UPP2: variants seen among roughly 807,000 people sequenced by gnomAD.
UPP2 encodes the protein UPase 2.
UPP2 carries 23 observed loss-of-function variants against 26.7 expected under a neutral mutation model. The ratio of observed to expected loss-of-function variants is 0.86; its 90% CI spans 0.62 to 1.22. The LOEUF (loss-of-function observed/expected upper bound fraction) is 1.22. UPP2 is among the 50% of genes most tolerant of loss of function. The pLI is 0.00. For missense variants in UPP2, 387 were observed against 396.7 expected, an observed-to-expected ratio of 0.98 and a Z score of 0.21; for synonymous variants, 127 against 141.3, an observed-to-expected ratio of 0.90 and a Z score of 0.72.
In UPP2 at chr2:158,117,669, A is replaced by G. The variant is rs142858616; in HGVS notation, c.340-155A>G. On this transcript the variant is annotated intron_variant, in intron 3 of 6. Transcript: ENST00000005756. ...CTGTCAGCATGTCATGTAGGTGCCA[A>G]TTAGGGAGGACTTACATTTTCCTCA... 4.2e-3 allele frequency among the ~76,000 whole-genome samples: 644 copies of G among 152,102 alleles called. 4 individuals are homozygous for G. Among genetic ancestry groups the G allele is most frequent in the African/African-American group, 0.015 (617 of 41,540 alleles).
Position 158,093,766 on chromosome 2 carries a change from A to G in UPP2, c.148-8274A>G, listed in dbSNP as rs907815405. Among the ~76,000 whole-genome samples, 19 of 152,238 alleles carry G rather than the reference A, an allele frequency of 1.2e-4. 1 individual carries two copies. The highest frequency in any genetic ancestry group is 9.2e-4 in the Admixed American group (14 of 15,296). On this transcript the variant is annotated intron_variant, in intron 3 of 9. Transcript: ENST00000605860. ...TGGGGTTTATTATACACTGTTGACA[A>G]AAGTGTAACTTGGTAAAACTATTAG...
chr2:158,105,114 G>A (rs963661193), intron 1 of UPP2, among the ~76,000 whole-genome samples: 1 of 151,570 alleles, frequency 6.6e-6, no homozygotes. Context: ...TGGCAAAGAC[G>A]TCTTGACCCA....
intron 6 of UPP2, 89 bp downstream of exon 6, chr2:158,123,984 T>C (rs1457512456): frequency 6.9e-7 from 1 of 1,444,868 alleles, no homozygotes; most frequent in Non-Finnish European, 9.4e-7. Flanking sequence ...GGTCCAGCTA[T>C]ATATTACCTT....
At chr2:158,106,932 C>A (rs1306577818) in intron 2 of UPP2, among the ~76,000 whole-genome samples, 2 of 152,154 alleles carry the variant, frequency 1.3e-5, no homozygotes, top group Non-Finnish European at 2.9e-5. Context: ...AATTATATAA[C>A]TGCATTCTGC....
chr2:158,052,634 T>A (rs1016911329), intron 3 of UPP2, among the ~76,000 whole-genome samples: 5 of 152,226 alleles, frequency 3.3e-5, no homozygotes, highest in Admixed American at 1.3e-4. Context: ...TTACTTAACA[T>A]CTTTGGGCGT....
intron 3 of UPP2, among the ~76,000 whole-genome samples, chr2:158,090,376 C>A (rs1299040550): frequency 1.3e-5 from 2 of 152,078 alleles, no homozygotes; most frequent in African/African-American, 2.4e-5. Flanking sequence ...TGGTGGGCAC[C>A]TGTAGTCGCA....
chr2:158,005,080 C>T (rs2105136328), intron 2 of UPP2, among the ~76,000 whole-genome samples: 1 of 152,286 alleles, frequency 6.6e-6, no homozygotes, highest in South Asian at 2.1e-4. Context: ...CTTTACTGCC[C>T]TGTCACAACC....
chr2:158,057,742 TTG>T (rs200964357), intron 3 of UPP2, among the ~76,000 whole-genome samples: 6,422 of 149,938 alleles, frequency 0.043, 243 homozygotes, highest in East Asian at 0.14. Context: ...AGATTCTTTT[TTG>T]TTTTTTAACT....
intron 3 of UPP2, among the ~76,000 whole-genome samples, chr2:158,026,794 G>A (rs1342654485): frequency 6.6e-6 from 1 of 152,166 alleles, no homozygotes; most frequent in Non-Finnish European, 1.5e-5. Context: ...AGAAAAAGAG[G>A]TTTAATTGGA....
At chr2:158,076,294 G>T (rs967067747) in intron 3 of UPP2, among the ~76,000 whole-genome samples, 2 of 151,958 alleles carry the variant, frequency 1.3e-5, no homozygotes, top group African/African-American at 2.4e-5. Context: ...AAATAAAAGA[G>T]TAGAGAATAC....
chr2:158,102,516 G>T (rs1392834556), intron 1 of UPP2, among the ~76,000 whole-genome samples: 1 of 152,086 alleles, frequency 6.6e-6, no homozygotes, highest in Non-Finnish European at 1.5e-5. Context: ...CCTGAGGGAG[G>T]TTTAATTGTA....
intron 3 of UPP2, among the ~76,000 whole-genome samples, chr2:158,081,861 G>C (rs1265315482): frequency 1.3e-5 from 2 of 151,800 alleles, no homozygotes; most frequent in African/African-American, 4.8e-5. Flanking sequence ...TAAAAATATA[G>C]GTAGATAAAA....
rs987709867 is a variant in UPP2, at chr2:158,134,747, G to C, written c.812-1G>C. The C allele has an allele frequency of 1.9e-6, 3 of 1,599,278 alleles. No individual in the cohort carries two copies. Among genetic ancestry groups the C allele is most frequent in the Non-Finnish European group, 2.6e-6 (3 of 1,172,708 alleles). ...ATCAGTTGTGCTAATTGCTCTTCTA[G>C]CTGCTGTGGTCTGTGTGACACTTCT... is the stretch of plus-strand genomic sequence containing the variant. On this transcript the variant is annotated splice_acceptor_variant, in intron 6 of 6. Transcript: ENST00000005756. LOFTEE classifies it high-confidence loss of function.
At chr2:158,117,170 G>C (rs1683450204) in intron 3 of UPP2, among the ~76,000 whole-genome samples, 1 of 151,980 alleles carries the variant, frequency 6.6e-6, no homozygotes, top group Non-Finnish European at 1.5e-5. Flanking sequence ...ACCAGGAGTT[G>C]CTAAATCCTG....
At chr2:158,122,563 G>A (rs979465432) in intron 5 of UPP2, among the ~76,000 whole-genome samples, 9 of 152,060 alleles carry the variant, frequency 5.9e-5, no homozygotes, top group South Asian at 2.1e-4. Flanking sequence ...AGCAGAATTT[G>A]CAAATGGAAG....
intron 2 of UPP2, among the ~76,000 whole-genome samples, chr2:158,003,320 C>T (rs1683438824): frequency 6.6e-6 from 1 of 151,986 alleles, no homozygotes; most frequent in African/African-American, 2.4e-5. Flanking sequence ...GGGATAGGGA[C>T]AGTGGAGGCA....
chr2:158,085,296 C>T (rs1227377778), intron 3 of UPP2, among the ~76,000 whole-genome samples: 1 of 152,006 alleles, frequency 6.6e-6, no homozygotes, highest in African/African-American at 2.4e-5. Context: ...ATTTCATTCT[C>T]AGCTTGGTTG....
chr2:158,000,283 C>T (rs1194746574), intron 2 of UPP2, among the ~76,000 whole-genome samples: 1 of 152,152 alleles, frequency 6.6e-6, no homozygotes, highest in Non-Finnish European at 1.5e-5. Flanking sequence ...TTCTCACACG[C>T]ATGGGCTGAT....
chr2:158,027,946 A>C (rs1683861462), intron 3 of UPP2, among the ~76,000 whole-genome samples: 1 of 152,160 alleles, frequency 6.6e-6, no homozygotes. Context: ...ACTGGGATGC[A>C]GGGCACCAAG....
Sources: gnomAD v4.1 joint callset for allele counts (sites outside exome capture counted in the v4.1 genomes callset) on GRCh38, gnomAD v4.1.1 for gene constraint, MANE v1.5 for transcripts, NCBI Gene and HGNC (gene_info 2026-07-23, HGNC 2026-07-21) for gene names.